Variants in RNF19A observed in about 807,000 individuals in gnomAD.
RNF19A encodes E3 ubiquitin-protein ligase RNF19A.
A neutral mutation model predicts 75.7 loss-of-function variants in RNF19A; 32 were observed. The ratio of observed to expected loss-of-function variants is 0.42; its 90% CI spans 0.32 to 0.57. The LOEUF is 0.57. Among genes scored for constraint, RNF19A ranks in the 20% least tolerant of loss-of-function variants. The probability of loss-of-function intolerance (pLI) is 0.10; values close to 1 mark genes in which losing one functional copy is unlikely to be tolerated. For synonymous variants in RNF19A, 335 were observed against 345.2 expected, an observed-to-expected ratio of 0.97 and a Z score of 0.33; for missense variants, 782 against 1,036.3, an observed-to-expected ratio of 0.75 and a Z score of 3.37.
In RNF19A at chr8:100,260,980, C is replaced by G. The variant is rs1289076001; in HGVS notation, c.1682+562G>C. Among the ~76,000 whole-genome samples, 1 of 152,168 alleles carries G rather than the reference C, an allele frequency of 6.6e-6. No individual in the cohort carries two copies. Among genetic ancestry groups the G allele is most frequent in the Non-Finnish European group, 1.5e-5 (1 of 68,030 alleles). ...AGGTAAGATCTAGGCTTAAGTACTG[C>G]CTTTGCTTCAATGTCTACTGAAGCA... On this transcript the variant is annotated intron_variant, in intron 8 of 9. Coordinates refer to ENST00000341084, the MANE Select transcript of RNF19A (RefSeq NM_183419.4). This position sits in a 1 kb window ranked among gnomAD's most constrained non-coding sequence, Gnocchi z 4.1.
At chr8:100,283,079 G>A (rs1586637737) in intron 2 of RNF19A, among the ~76,000 whole-genome samples, 2 of 152,174 alleles carry the variant, frequency 1.3e-5, no homozygotes, top group Admixed American at 1.3e-4. Flanking sequence ...TTTTCTGGAG[G>A]ATCCTTGGGA....
At chr8:100,301,514 C>G (rs935554435) in intron 1 of RNF19A, among the ~76,000 whole-genome samples, 3 of 152,212 alleles carry the variant, frequency 2.0e-5, no homozygotes, top group Non-Finnish European at 2.9e-5. Context: ...CTTTAGCCAA[C>G]TGACCTATTT....
Position 100,269,718 on chromosome 8 carries a change from T to A in RNF19A, c.1028+151A>T. On this transcript the variant is annotated intron_variant, in intron 4 of 9. Transcript: ENST00000341084. The surrounding 1 kb of genome is among the most constrained non-coding windows in gnomAD (Gnocchi z 5.7). ...TGACTAGTTATTAATTCCAAATGACTAGCATAATAACTTGGTTTCTTTTAA... is the reference window on the plus strand; with the variant it reads ...TGACTAGTTATTAATTCCAAATGACAAGCATAATAACTTGGTTTCTTTTAA... 1 of 519,366 alleles carries A rather than the reference T, an allele frequency of 1.9e-6. No homozygotes were observed. The highest frequency in any genetic ancestry group is 3.2e-6 in the Non-Finnish European group (1 of 308,076). 32.2% of individuals were successfully genotyped at this position (519,366 alleles called of 1,614,324 possible).
Position 100,275,967 on chromosome 8 carries a change from A to T in RNF19A, c.675-806T>A, listed in dbSNP as rs971393719. ...TGCCAATCTCCTGCCAAAAAATAAA[A>T]AAAAACTGTTTTTTTTTCCTTCGGA... is the stretch of plus-strand genomic sequence containing the variant. On this transcript the variant is annotated intron_variant, in intron 2 of 9. Coordinates refer to ENST00000341084, the MANE Select transcript of RNF19A (RefSeq NM_183419.4). The surrounding 1 kb of genome is among the most constrained non-coding windows in gnomAD (Gnocchi z 4.3). 1.8e-4 allele frequency among the ~76,000 whole-genome samples: 27 copies of T among 152,188 alleles called. No homozygotes were observed. Among genetic ancestry groups the T allele is most frequent in the Non-Finnish European group, 3.4e-4 (23 of 68,042 alleles).
At position 100,325,864 on chromosome 8, in the gene RNF19A, C is replaced by G. The variant is rs540311490; in HGVS notation, c.-243+10244G>C. 1.3e-5 allele frequency among the ~76,000 whole-genome samples: 2 copies of G among 152,240 alleles called. No homozygotes were observed. Among genetic ancestry groups the G allele is most frequent in the South Asian group, 4.1e-4 (2 of 4,824 alleles). On this transcript the variant is annotated intron_variant, in intron 1 of 3. Transcript: ENST00000519527. This position sits in a 1 kb window ranked among gnomAD's most constrained non-coding sequence, Gnocchi z 4.3. ...GACTTTAACTCATTTTCTTCCTTCT[C>G]TCCTCTTTTTAAAATTTATTTAATT...
Position 100,330,513 on chromosome 8 carries a change from T to C in RNF19A, c.-243+5595A>G, listed in dbSNP as rs1822595811. 6.6e-6 allele frequency among the ~76,000 whole-genome samples: 1 copy of C among 152,200 alleles called. No individual in the cohort carries two copies. Among genetic ancestry groups the C allele is most frequent in the East Asian group, 1.9e-4 (1 of 5,194 alleles). On this transcript the variant is annotated intron_variant, in intron 1 of 3. Coordinates refer to the RNF19A transcript ENST00000519527. The surrounding 1 kb of genome is among the most constrained non-coding windows in gnomAD (Gnocchi z 4.1). ...TTTTTACTGGAACTATTAGGAACTG[T>C]TGGGGACACTTATGTGTTAATTGCA...
Position 100,333,246 on chromosome 8 carries a change from C to T in RNF19A, c.-243+2862G>A, listed in dbSNP as rs1343276958. On this transcript the variant is annotated intron_variant, in intron 1 of 3. Transcript: ENST00000519527. The surrounding 1 kb of genome is among the most constrained non-coding windows in gnomAD (Gnocchi z 4.7). ...GCAAGATGGCCCTCATCAGATGTGC[C>T]CACTCAACCTTGGACTTCCCAGATC... Among the ~76,000 whole-genome samples the T allele has an allele frequency of 1.3e-5, 2 of 152,158 alleles. No individual in the cohort carries two copies. The highest frequency in any genetic ancestry group is 2.9e-5 in the Non-Finnish European group (2 of 68,034).
Position 100,259,888 on chromosome 8 carries a change from C to T in RNF19A, c.1792G>A (p.Gly598Arg). Residue 598 changes from glycine to arginine, a missense_variant, in exon 9 of 10, where the codon GGA becomes AGA. Gly to Arg is a moderately radical substitution (Grantham distance 125). Coordinates refer to ENST00000341084, the MANE Select transcript of RNF19A (RefSeq NM_183419.4). The surrounding 1 kb of genome is among the most constrained non-coding windows in gnomAD (Gnocchi z 4.5). ...SDNASTKAMA[G>R]SILNSYIPLD... ...GGGATGTAGGAATTCAGAATGGATC[C>T]TGCCATTGCTTTGGTGCTGGCATTA... 4 of 1,613,628 alleles carry T rather than the reference C, an allele frequency of 2.5e-6. No individual in the cohort carries two copies. The highest frequency in any genetic ancestry group is 3.4e-6 in the Non-Finnish European group (4 of 1,179,740).
intron 1 of RNF19A, among the ~76,000 whole-genome samples, chr8:100,302,847 C>CAA (rs1285448286): frequency 6.6e-6 from 1 of 152,068 alleles, no homozygotes; most frequent in Non-Finnish European, 1.5e-5. Flanking sequence ...AAAAAGTATA[C>CAA]AAAGAGCAAA....
At position 100,264,375 on chromosome 8, in the gene RNF19A, C is replaced by T. The variant is rs1819871274; in HGVS notation, c.1307-180G>A. On this transcript the variant is annotated intron_variant, in intron 6 of 9. Transcript: ENST00000341084. This position sits in a 1 kb window ranked among gnomAD's most constrained non-coding sequence, Gnocchi z 4.7. The stretch of plus-strand genomic sequence containing the variant: ...AGTTGTTAAGCAAATTCAAGGTTCC[C>T]AGCCTTTCAGGTAATGCACATAAGG... The T allele has an allele frequency of 1.6e-6, 1 of 617,422 alleles. No homozygotes were observed. The highest frequency in any genetic ancestry group is 1.8e-5 in the African/African-American group (1 of 54,256). The allele number at this position is 617,422 out of a possible 1,614,324, so 38.2% of individuals were successfully genotyped here. A position where few individuals can be genotyped will look rare whatever the true frequency, so the allele number is the denominator to read the frequency against.
At chr8:100,279,824 G>A (rs186658058) in intron 2 of RNF19A, among the ~76,000 whole-genome samples, 59 of 152,108 alleles carry the variant, frequency 3.9e-4, no homozygotes, top group Middle Eastern at 3.4e-3. Flanking sequence ...ACCACACCCA[G>A]CCTCAATTTT....
Position 100,329,360 on chromosome 8 carries a change from GA to G in RNF19A, c.-243+6747del, listed in dbSNP as rs572435476. On this transcript the variant is annotated intron_variant, in intron 1 of 3. Coordinates refer to the RNF19A transcript ENST00000519527. The surrounding 1 kb of genome is among the most constrained non-coding windows in gnomAD (Gnocchi z 4.3). Reference sequence around the variant, plus strand: ...CCTGACTTGGCAGCCATTCATGAGGGAAAAAAAAAAGACTTGGGATTTTAAT... The same window carrying G: ...CCTGACTTGGCAGCCATTCATGAGGGAAAAAAAAAGACTTGGGATTTTAAT... Among the ~76,000 whole-genome samples, 20 of 146,122 alleles carry G rather than the reference GA, an allele frequency of 1.4e-4. No individual in the cohort carries two copies. The highest frequency in any genetic ancestry group is 2.7e-4 in the Admixed American group (4 of 14,708).
chr8:100,309,962 G>A, upstream of RNF19A: 1 of 985,526 alleles, frequency 1.0e-6, no homozygotes, highest in Non-Finnish European at 1.2e-6. Context: ...GCGGGGGAGG[G>A]TCCCTCCGAT....
chr8:100,310,289 C>G (rs1822254912), upstream of RNF19A: 1 of 970,656 alleles, frequency 1.0e-6, no homozygotes, highest in South Asian at 4.8e-5. Flanking sequence ...CGCGCAGGAG[C>G]CGCCCCGCTG....
chr8:100,313,901 A>AATTTTTTTTTTTTT (rs1554675394), upstream of RNF19A, among the ~76,000 whole-genome samples: 1 of 78,466 alleles, frequency 1.3e-5, no homozygotes, highest in African/African-American at 7.1e-5. Context: ...AAAGAGAACT[A>AATTTTTTTTTTTTT]CTTTTTTTTT....
intron 1 of RNF19A, among the ~76,000 whole-genome samples, chr8:100,326,208 C>G (rs1184878390): frequency 6.6e-6 from 1 of 152,098 alleles, no homozygotes; most frequent in Non-Finnish European, 1.5e-5. Context: ...GCTGGTCATG[C>G]CAATTCCCAT....
Position 100,288,255 on chromosome 8 carries a change from T to C in RNF19A, c.-81A>G. On this transcript the variant is annotated 5_prime_UTR_variant, in exon 2 of 10. It adds an upstream start codon to the 5' untranslated region. Coordinates refer to ENST00000341084, the MANE Select transcript of RNF19A (RefSeq NM_183419.4). ...AAAAGTTCGATTTACAGAAGACTGC[T>C]ATCATGGATGTTCTGAAAAATAAAA... 2 of 1,403,978 alleles carry C rather than the reference T, an allele frequency of 1.4e-6. No homozygotes were observed. The highest frequency in any genetic ancestry group is 1.9e-6 in the Non-Finnish European group (2 of 1,079,148). 87.0% of individuals were successfully genotyped at this position (1,403,978 alleles called of 1,614,324 possible).
chr8:100,277,470 C>T (rs1820579914), intron 2 of RNF19A, among the ~76,000 whole-genome samples: 1 of 152,114 alleles, frequency 6.6e-6, no homozygotes, highest in Non-Finnish European at 1.5e-5. Context: ...CACTACCACG[C>T]CCAGCTAATT....
chr8:100,333,807 C>T lies in RNF19A; in HGVS notation c.-243+2301G>A, dbSNP rs1822640131. On this transcript the variant is annotated intron_variant, in intron 1 of 3. Coordinates refer to the RNF19A transcript ENST00000519527. This position sits in a 1 kb window ranked among gnomAD's most constrained non-coding sequence, Gnocchi z 4.7. ...CACTCCAGCCTGGGCAATAGAGTGA[C>T]ACCCTGTCTGTAAACAATAACAACA... Among the ~76,000 whole-genome samples the T allele has an allele frequency of 6.6e-6, 1 of 152,166 alleles. No homozygotes were observed.
Sources: gnomAD v4.1 joint callset for allele counts (sites outside exome capture counted in the v4.1 genomes callset) on GRCh38, gnomAD v4.1.1 for gene constraint, Gnocchi (gnomAD v3.1) non-coding constraint, MANE v1.5 for transcripts, NCBI Gene and HGNC (gene_info 2026-07-23, HGNC 2026-07-21) for gene names.